TMPRSS3: variants seen among roughly 807,000 people sequenced by gnomAD.
TMPRSS3 encodes transmembrane serine protease 3, also known as transmembrane protease serine 3.
In TMPRSS3, 55 loss-of-function variants were observed where a neutral mutation model predicts 59.6. The observed-to-expected ratio is 0.92, with a 90% CI of 0.74 to 1.16. TMPRSS3 has a LOEUF of 1.16. TMPRSS3 is among the 50% of genes most tolerant of loss of function. The pLI, the probability that TMPRSS3 is intolerant of heterozygous loss-of-function variation, is 0.00. For missense variants in TMPRSS3, 596 were observed against 579.4 expected (o/e 1.03, Z -0.29); for synonymous variants, 257 against 237.7 (o/e 1.08, Z -0.75).
Position 42,390,355 on chromosome 21 carries a change from G to A in TMPRSS3, c.95-318C>T, listed in dbSNP as rs942395463. 3 of 370,168 alleles carry A rather than the reference G, an allele frequency of 8.1e-6. No individual in the cohort carries two copies. In the East Asian group the frequency reaches 2.0e-4, roughly 24 times the overall value. 22.9% of individuals were successfully genotyped at this position (370,168 alleles called of 1,614,324 possible). A position where few individuals can be genotyped will look rare whatever the true frequency, so the allele number is the denominator to read the frequency against. Reference sequence around the variant, plus strand: ...TGGCATCTTATTTGGAGATGGCCTGGAGAGTCTTTACAGAGTCATCTAGTT... The same window carrying A: ...TGGCATCTTATTTGGAGATGGCCTGAAGAGTCTTTACAGAGTCATCTAGTT... On this transcript the variant is annotated intron_variant, in intron 2 of 12. Coordinates refer to ENST00000644384, the MANE Select transcript of TMPRSS3 (RefSeq NM_001256317.3).
rs1202571357 is a variant in TMPRSS3, at chr21:42,395,414, C to G, written c.4G>C (p.Gly2Arg). 6.8e-6 allele frequency: 11 copies of G among 1,614,108 alleles called. No homozygotes were observed. The highest frequency in any genetic ancestry group is 9.3e-6 in the Non-Finnish European group (11 of 1,179,954). ...TCAACAGCAGGCGGATCATTTTCCC[C>G]CATGGTGACTATTTCAGGACCTCTG... M[G>R]ENDPPAVEAP... Residue 2 changes from glycine (G) to arginine (R), a missense_variant, in exon 2 of 13, where the codon GGG (glycine) becomes CGG (arginine). Transcript: ENST00000644384.
chr21:42,394,924 G>C (rs141624061), intron 2 of TMPRSS3, among the ~76,000 whole-genome samples: 1 of 152,200 alleles, frequency 6.6e-6, no homozygotes, highest in South Asian at 2.1e-4. Flanking sequence ...TTTAATCTAG[G>C]CCTCTAATAT....
rs56178910 is a variant in TMPRSS3 at position 42,375,788 on chromosome 21, G to A, written c.1272C>T (p.Cys424=). 4.4e-4 allele frequency: 709 copies of A among 1,613,612 alleles called. 1 individual carries two copies. The highest frequency in any genetic ancestry group is 1.2e-3 in the Middle Eastern group (7 of 6,062). The part of the protein sequence containing the change: ...LVGATSFGIG[C]AEVNKPGVYT... ...ACACCCCAGGCTTGTTCACCTCTGC[G>A]CAGCCGATGCCAAAGCTGGTCGCTC... Residue 424 remains cysteine (C), a synonymous_variant, in exon 12 of 13, where the codon TGC becomes TGT. Coordinates refer to ENST00000644384, the MANE Select transcript of TMPRSS3 (RefSeq NM_001256317.3).
chr21:42,385,055 T>TCCTC (rs1230273570), intron 6 of TMPRSS3, among the ~76,000 whole-genome samples: 1 of 125,910 alleles, frequency 7.9e-6, no homozygotes, highest in African/African-American at 3.2e-5. Flanking sequence ...CTCCCTTCCT[T>TCCTC]CCTCCCTCCC....
At chr21:42,395,490 A>G (rs1169733399) in intron 1 of TMPRSS3, 22 bp from the exon 2 acceptor site, 1 of 1,304,092 alleles carries the variant, frequency 7.7e-7, no homozygotes, top group South Asian at 1.2e-5. Context: ...AAGAACAGAA[A>G]GCATTTGTTC....
chr21:42,385,318 C>G, intron 6 of TMPRSS3, 91 bp downstream of exon 6: 1 of 1,566,310 alleles, frequency 6.4e-7, no homozygotes, highest in Non-Finnish European at 8.8e-7. Flanking sequence ...ACATGCATGC[C>G]TCTTAAGTCC....
chr21:42,380,959 G>A (rs181121205), intron 9 of TMPRSS3, among the ~76,000 whole-genome samples: 1 of 152,232 alleles, frequency 6.6e-6, no homozygotes, highest in African/African-American at 2.4e-5. Context: ...ATTAATAATA[G>A]TTGGCAGACT....
At chr21:42,389,168 C>A (rs867811561) in intron 3 of TMPRSS3, 123 bp from the exon 4 acceptor site, 1 of 1,535,688 alleles carries the variant, frequency 6.5e-7, no homozygotes, top group Non-Finnish European at 8.8e-7. Flanking sequence ...ATTGAAATTG[C>A]GTCCCTGTCA....
At position 42,388,316 on chromosome 21, in the gene TMPRSS3, A is replaced by G. The variant is rs2052669011; in HGVS notation, c.446+87T>C. ...TAATCTGAGAGCGTTAAAGCACCCA[A>G]TAGTGCCCAACTAAATGGTAGTTGT... On this transcript the variant is annotated intron_variant, in intron 5 of 12. Transcript: ENST00000644384. This position sits in a 1 kb window ranked among gnomAD's most constrained non-coding sequence, Gnocchi z 5.1. The G allele has an allele frequency of 4.4e-6, 7 of 1,584,896 alleles. No individual in the cohort carries two copies. Among genetic ancestry groups the G allele is most frequent in the South Asian group, 2.2e-5 (2 of 90,300 alleles).
chr21:42,392,469 G>C (rs1025376702), intron 2 of TMPRSS3, among the ~76,000 whole-genome samples: 5 of 152,180 alleles, frequency 3.3e-5, no homozygotes, highest in African/African-American at 1.2e-4. Flanking sequence ...CTGTGTTTTA[G>C]GCCTGGACAA....
At chr21:42,385,065 C>CTCCCTTCCTTCCTCCCTCCT in intron 6 of TMPRSS3, among the ~76,000 whole-genome samples, 2 of 144,946 alleles carry the variant, frequency 1.4e-5, no homozygotes, top group Non-Finnish European at 3.0e-5. Context: ...TCCTCCCTCC[C>CTCCCTTCCTTCCTCCCTCCT]TCCCTCCCTT....
chr21:42,384,155 T>TAAAA, intron 6 of TMPRSS3, 142 bp from the exon 7 acceptor site: 15 of 517,022 alleles, frequency 2.9e-5, no homozygotes, highest in African/African-American at 4.7e-5. Flanking sequence ...TAGTCTATGT[T>TAAAA]CAAAAAAAAA....
At position 42,372,617 on chromosome 21, in the gene TMPRSS3, G is replaced by C. The variant is rs1266212706; in HGVS notation, c.*145C>G. 1.2e-6 allele frequency: 1 copy of C among 839,718 alleles called. No individual in the cohort carries two copies. Among genetic ancestry groups the C allele is most frequent in the Admixed American group, 1.7e-5 (1 of 58,770 alleles). The allele number at this position is 839,718 out of a possible 1,614,324, so 52.0% of individuals were successfully genotyped here. On this transcript the variant is annotated 3_prime_UTR_variant, in exon 13 of 13. Transcript: ENST00000644384. Reference sequence around the variant, plus strand: ...TTGTGCTGGAATCAGATGGAAGGGTGCCTCTTTCGGGCCTGCTACTGGTGC... The same window carrying C: ...TTGTGCTGGAATCAGATGGAAGGGTCCCTCTTTCGGGCCTGCTACTGGTGC...
At chr21:42,381,143 C>CTA (rs1159455829) in intron 9 of TMPRSS3, among the ~76,000 whole-genome samples, 2 of 152,234 alleles carry the variant, frequency 1.3e-5, no homozygotes, top group African/African-American at 4.8e-5. Context: ...TCCCTGCTTT[C>CTA]TTAAGAAGGA....
chr21:42,394,146 C>T lies in TMPRSS3; in HGVS notation c.94+1178G>A, dbSNP rs553476622. On this transcript the variant is annotated intron_variant, in intron 2 of 12. Transcript: ENST00000644384. ...AATGAACAATACATTACTCTATTTA[C>T]AAGGAAAAGTTTTTGTTCCTCCCCA... Among the ~76,000 whole-genome samples the T allele has an allele frequency of 1.8e-4, 27 of 151,964 alleles. No individual in the cohort carries two copies. The East Asian group carries it at 4.2e-3, about 24-fold the overall frequency.
At chr21:42,387,721 G>A (rs540069633) in intron 5 of TMPRSS3, among the ~76,000 whole-genome samples, 73 of 152,254 alleles carry the variant, frequency 4.8e-4, no homozygotes, top group Non-Finnish European at 8.1e-4. Flanking sequence ...GCTGAGACTT[G>A]AGAGCAAAGG....
rs2052803441 is a variant in TMPRSS3 at position 42,396,052 on chromosome 21, T to C, written c.-162A>G. ...TTTCCTGGCTCACACGGGCATGACC[T>C]AATTAAGAACGAAAGTACCCGAGCC... is the stretch of plus-strand genomic sequence containing the variant. On this transcript the variant is annotated 5_prime_UTR_variant, in exon 1 of 13. Transcript: ENST00000644384. 1 of 518,828 alleles carries C rather than the reference T, an allele frequency of 1.9e-6. No individual in the cohort carries two copies. Among genetic ancestry groups the C allele is most frequent in the Non-Finnish European group, 3.8e-6 (1 of 259,872 alleles). The allele number at this position is 518,828 out of a possible 1,614,324, so 32.1% of individuals were successfully genotyped here.
chr21:42,395,256 C>A, intron 2 of TMPRSS3, 68 bp downstream of exon 2: 1 of 1,332,960 alleles, frequency 7.5e-7, no homozygotes, highest in Non-Finnish European at 1.1e-6. Flanking sequence ...CAGGGACAGT[C>A]AGTCACATTG....
In TMPRSS3 at chr21:42,372,366, C is replaced by A. The variant is rs945205690; in HGVS notation, c.*396G>T. The A allele has an allele frequency of 2.8e-5, 13 of 459,694 alleles. No homozygotes were observed. The highest frequency in any genetic ancestry group is 2.8e-4 in the Admixed American group (12 of 42,704). The allele number at this position is 459,694 out of a possible 1,614,324, so 28.5% of individuals were successfully genotyped here. On this transcript the variant is annotated 3_prime_UTR_variant, in exon 13 of 13. Coordinates refer to ENST00000644384, the MANE Select transcript of TMPRSS3 (RefSeq NM_001256317.3). ...TTTGAGGTCAGGGGTTTGAGAGCAG[C>A]CTGGCCAACATGGTGAAACCCTGTC...
Sources: allele counts gnomAD v4.1 joint callset (sites outside exome capture counted in the v4.1 genomes callset), GRCh38; gene constraint gnomAD v4.1.1; non-coding constraint Gnocchi (gnomAD v3.1); transcripts MANE v1.5; gene names NCBI Gene and HGNC (gene_info 2026-07-23, HGNC 2026-07-21).